TEN1: variants seen among roughly 807,000 people sequenced by gnomAD.
TEN1 encodes the protein CST complex subunit TEN1.
TEN1 carries 6 observed loss-of-function variants against 9.3 expected under a neutral mutation model. The ratio of observed to expected loss-of-function variants is 0.65; its 90% CI spans 0.35 to 1.27. The LOEUF (loss-of-function observed/expected upper bound fraction) is 1.27, where lower values mean the gene tolerates loss of function less well. Among genes scored for constraint, TEN1 ranks in the 50% most tolerant of loss-of-function variants. The probability of loss-of-function intolerance (pLI) is 0.03; values close to 1 mark genes in which losing one functional copy is unlikely to be tolerated. For synonymous variants in TEN1, 65 were observed against 65.6 expected (o/e 0.99, Z 0.04); for missense variants, 149 against 158.2 (o/e 0.94, Z 0.31).
At chr17:75,991,858 C>T (rs1310462480) in intron 3 of TEN1, among the ~76,000 whole-genome samples, 1 of 152,072 alleles carries the variant, frequency 6.6e-6, no homozygotes, top group Non-Finnish European at 1.5e-5. Flanking sequence ...ACCAGCCTAG[C>T]CAACATGGCG....
rs914442695 is a variant in TEN1 at position 76,000,272 on chromosome 17, G to A, written c.*10G>A. Reference sequence around the variant, plus strand: ...GGGCGGCAGCCAGTAGGAAACAGCAGCCTAGCAACACCCTCACCTGCTTCA... The same window carrying A: ...GGGCGGCAGCCAGTAGGAAACAGCAACCTAGCAACACCCTCACCTGCTTCA... On this transcript the variant is annotated 3_prime_UTR_variant, in exon 4 of 4. Coordinates refer to ENST00000397640, the MANE Select transcript of TEN1 (RefSeq NM_001113324.3). The surrounding 1 kb of genome is among the most constrained non-coding windows in gnomAD (Gnocchi z 5.9). 1.2e-5 allele frequency: 19 copies of A among 1,550,146 alleles called. No homozygotes were observed. The highest frequency in any genetic ancestry group is 1.6e-5 in the Non-Finnish European group (18 of 1,146,372).
chr17:75,984,534 G>A (rs1235970826), intron 1 of TEN1: 3 of 152,240 alleles, frequency 2.0e-5, no homozygotes, highest in Non-Finnish European at 4.4e-5. Flanking sequence ...AAGTAGCTGG[G>A]ATTACAGGCA....
chr17:75,995,909 G>A (rs1028305328), intron 3 of TEN1, among the ~76,000 whole-genome samples: 7 of 151,950 alleles, frequency 4.6e-5, no homozygotes, highest in African/African-American at 1.7e-4. Context: ...CCTGGGCAAC[G>A]CAGAGAGACG....
At chr17:75,995,647 C>T (rs751568603) in intron 3 of TEN1, among the ~76,000 whole-genome samples, 3 of 152,238 alleles carry the variant, frequency 2.0e-5, no homozygotes, top group Non-Finnish European at 4.4e-5. Flanking sequence ...GTGTGGGGCA[C>T]AGCCTTTCCC....
chr17:75,997,544 C>G (rs896023445), intron 3 of TEN1, among the ~76,000 whole-genome samples: 3 of 152,124 alleles, frequency 2.0e-5, no homozygotes, highest in Non-Finnish European at 4.4e-5. Flanking sequence ...AAACGGCCAC[C>G]GTTAGCTCCT....
chr17:75,993,539 A>G (rs566597390), intron 3 of TEN1, among the ~76,000 whole-genome samples: 1 of 152,308 alleles, frequency 6.6e-6, no homozygotes, highest in South Asian at 2.1e-4. Context: ...TCATTAGGAA[A>G]CATCTTGATG....
intron 3 of TEN1, among the ~76,000 whole-genome samples, chr17:75,996,228 G>A (rs2066217092): frequency 2.0e-5 from 3 of 152,130 alleles, no homozygotes; most frequent in South Asian, 2.1e-4. Flanking sequence ...GCTCACGCCT[G>A]TAATCCCAGC....
chr17:75,995,082 G>T (rs939324774), intron 3 of TEN1, among the ~76,000 whole-genome samples: 5 of 152,118 alleles, frequency 3.3e-5, no homozygotes, highest in African/African-American at 1.2e-4. Context: ...TTATCCAGGT[G>T]TGGTGGCACA....
chr17:75,981,951 G>C (rs1021628137), intron 1 of TEN1, among the ~76,000 whole-genome samples: 1 of 152,026 alleles, frequency 6.6e-6, no homozygotes, highest in Non-Finnish European at 1.5e-5. Flanking sequence ...CGCTTGAACC[G>C]GGGAGGCAGA....
chr17:75,991,631 G>T lies in TEN1; in HGVS notation c.250+8G>T, dbSNP rs1207793040. On this transcript the variant is annotated splice_region_variant and intron_variant, in intron 3 of 3. Transcript: ENST00000397640. Reference sequence around the variant, plus strand: ...AGCTCCAGCATCAGCAGGGTGAGCTGCAGCCTCAGATCCCCTTTCTCATCC... The same window carrying T: ...AGCTCCAGCATCAGCAGGGTGAGCTTCAGCCTCAGATCCCCTTTCTCATCC... The T allele has an allele frequency of 6.5e-7, 1 of 1,550,322 alleles. No homozygotes were observed. The highest frequency in any genetic ancestry group is 8.7e-7 in the Non-Finnish European group (1 of 1,146,386).
chr17:75,999,654 A>AT (rs1263542076), intron 3 of TEN1, among the ~76,000 whole-genome samples: 1 of 152,064 alleles, frequency 6.6e-6, no homozygotes, highest in Non-Finnish European at 1.5e-5. Flanking sequence ...AAGAAAGAAA[A>AT]TTTTTAAAAA....
At chr17:75,999,322 C>CA (rs1458034017) in intron 3 of TEN1, among the ~76,000 whole-genome samples, 6 of 151,962 alleles carry the variant, frequency 3.9e-5, no homozygotes, top group Non-Finnish European at 7.4e-5. Context: ...GCCCAAGTGA[C>CA]AGAGCAACAC....
chr17:75,997,426 T>C (rs537484538), intron 3 of TEN1, among the ~76,000 whole-genome samples: 1 of 152,126 alleles, frequency 6.6e-6, no homozygotes, highest in Admixed American at 6.6e-5. Context: ...TCTCCTCCCC[T>C]GTCCCTCCCG....
In TEN1 at chr17:75,998,413, T is replaced by C. The variant is rs147220731; in HGVS notation, c.251-1728T>C. 3.0e-3 allele frequency among the ~76,000 whole-genome samples: 455 copies of C among 152,086 alleles called. 1 individual carries two copies. Among genetic ancestry groups the C allele is most frequent in the Non-Finnish European group, 4.7e-3 (321 of 67,964 alleles). ...TGCTTGTCTTGCCCTCCCAAAGTGT[T>C]GGGATTACAGTGTTGGGAGCCACCG... On this transcript the variant is annotated intron_variant, in intron 3 of 3. Transcript: ENST00000397640.
At chr17:75,982,438 C>G (rs2066127333) in intron 1 of TEN1, among the ~76,000 whole-genome samples, 1 of 152,146 alleles carries the variant, frequency 6.6e-6, no homozygotes, top group Non-Finnish European at 1.5e-5. Context: ...TCAGAGGGCC[C>G]CTTGGCACCT....
chr17:75,979,880 G>A (rs1315242835), intron 1 of TEN1, among the ~76,000 whole-genome samples: 3 of 151,240 alleles, frequency 2.0e-5, no homozygotes, highest in African/African-American at 2.4e-5. Flanking sequence ...GGGTGGACGG[G>A]GACTTAGAAT....
rs1158068659 is a variant in TEN1, at chr17:76,000,380, C to T, written c.*118C>T. On this transcript the variant is annotated 3_prime_UTR_variant, in exon 4 of 4. Coordinates refer to ENST00000397640, the MANE Select transcript of TEN1 (RefSeq NM_001113324.3). The surrounding 1 kb of genome is among the most constrained non-coding windows in gnomAD (Gnocchi z 5.9). ...ACGGCCTTGTCTGGAGCTCGAAAGC[C>T]GAGGGGCGGGTGATGAATCCAGCCC... 2.8e-5 allele frequency: 39 copies of T among 1,386,618 alleles called. No individual in the cohort carries two copies. The highest frequency in any genetic ancestry group is 3.4e-5 in the Non-Finnish European group (36 of 1,049,714). The allele number at this position is 1,386,618 out of a possible 1,614,324, so 85.9% of individuals were successfully genotyped here.
chr17:75,980,179 A>C (rs906339715), intron 1 of TEN1, among the ~76,000 whole-genome samples: 1 of 152,070 alleles, frequency 6.6e-6, no homozygotes, highest in Non-Finnish European at 1.5e-5. Flanking sequence ...CCTACAAAAA[A>C]TACCAAAAAA....
intron 1 of TEN1, among the ~76,000 whole-genome samples, chr17:75,981,768 G>A (rs967764764): frequency 8.5e-5 from 13 of 152,056 alleles, no homozygotes; most frequent in Admixed American, 1.3e-4. Flanking sequence ...GGTGGCTCAC[G>A]CCTATAATCC....
Sources: allele counts gnomAD v4.1 joint callset (sites outside exome capture counted in the v4.1 genomes callset), GRCh38; gene constraint gnomAD v4.1.1; non-coding constraint Gnocchi (gnomAD v3.1); transcripts MANE v1.5; gene names NCBI Gene and HGNC (gene_info 2026-07-23, HGNC 2026-07-21).